Variants in BPNT2 observed in about 807,000 individuals in gnomAD.
BPNT2 encodes the protein Golgi-resident adenosine 3',5'-bisphosphate 3'-phosphatase.
BPNT2 carries 11 observed loss-of-function variants against 29.3 expected under a neutral mutation model. That is an observed-to-expected ratio of 0.38 (90% CI 0.24 to 0.62). BPNT2 has a LOEUF of 0.62. Among genes scored for constraint, BPNT2 ranks in the 20% least tolerant of loss-of-function variants. The pLI, the probability that BPNT2 is intolerant of heterozygous loss-of-function variation, is 0.62. For missense variants in BPNT2, 459 were observed against 473.4 expected (o/e 0.97, Z 0.28); for synonymous variants, 195 against 187.7 (o/e 1.04, Z -0.32).
At position 56,993,607 on chromosome 8, in the gene BPNT2, C is replaced by A; in HGVS notation, c.-22G>T. 1 of 1,399,300 alleles carries A rather than the reference C, an allele frequency of 7.1e-7. No individual in the cohort carries two copies. Among genetic ancestry groups the A allele is most frequent in the Non-Finnish European group, 9.3e-7 (1 of 1,070,914 alleles). 86.7% of individuals were successfully genotyped at this position (1,399,300 alleles called of 1,614,324 possible). ...CCATGGCGTGGGAAGCCGGGCGCTC[C>A]GGGCTGCGGCTCTCACAGGCCTCCA... is the stretch of plus-strand genomic sequence containing the variant. On this transcript the variant is annotated 5_prime_UTR_variant, in exon 1 of 5. Coordinates refer to ENST00000262644, the MANE Select transcript of BPNT2 (RefSeq NM_017813.5).
At chr8:56,964,358 G>T (rs540177120) in intron 4 of BPNT2, 72 of 262,844 alleles carry the variant, frequency 2.7e-4, no homozygotes, top group African/African-American at 1.4e-3. Flanking sequence ...GAGTGCAACA[G>T]CGCGATCTTG....
At chr8:56,977,774 A>C (rs184784850) in intron 3 of BPNT2, among the ~76,000 whole-genome samples, 2 of 143,416 alleles carry the variant, frequency 1.4e-5, no homozygotes, top group East Asian at 5.1e-4. Flanking sequence ...CTTATAAGCC[A>C]ATGAACACCA....
intron 2 of BPNT2, among the ~76,000 whole-genome samples, chr8:56,978,963 G>A (rs1228379097): frequency 6.6e-6 from 1 of 152,132 alleles, no homozygotes; most frequent in African/African-American, 2.4e-5. Flanking sequence ...CTTGGGTGTT[G>A]AAACAAATCT....
At chr8:56,972,617 G>C (rs1806058248) in intron 3 of BPNT2, among the ~76,000 whole-genome samples, 1 of 151,970 alleles carries the variant, frequency 6.6e-6, no homozygotes, top group Non-Finnish European at 1.5e-5. Flanking sequence ...GAAGTCATAT[G>C]ACAACTTTAA....
chr8:56,961,374 A>T lies in BPNT2; in HGVS notation c.*2419T>A, dbSNP rs981680781. 1 of 152,210 alleles carries T rather than the reference A, an allele frequency of 6.6e-6. No homozygotes were observed. The allele number at this position is 152,210 out of a possible 1,614,324, so 9.4% of individuals were successfully genotyped here. ...TATAAATACTGTTCCTAATTCTGCA[A>T]CGTATATTGGCTTTTAAAAACAAAC... On this transcript the variant is annotated 3_prime_UTR_variant, in exon 5 of 5. Coordinates refer to ENST00000262644, the MANE Select transcript of BPNT2 (RefSeq NM_017813.5).
At chr8:56,967,452 T>C (rs1220829821) in intron 3 of BPNT2, among the ~76,000 whole-genome samples, 2 of 152,112 alleles carry the variant, frequency 1.3e-5, no homozygotes, top group Non-Finnish European at 2.9e-5. Context: ...AACAGCAGGA[T>C]AAGCGCTGGA....
At chr8:56,983,353 T>C (rs1488814847) in intron 1 of BPNT2, among the ~76,000 whole-genome samples, 1 of 152,130 alleles carries the variant, frequency 6.6e-6, no homozygotes, top group Non-Finnish European at 1.5e-5. Flanking sequence ...TAGAAGTGCA[T>C]TCTAGCCCAA....
chr8:56,973,270 G>A (rs1806067600), intron 3 of BPNT2, among the ~76,000 whole-genome samples: 1 of 151,814 alleles, frequency 6.6e-6, no homozygotes. Context: ...CAAACACTAC[G>A]TCTCTAATCC....
chr8:56,960,847 G>A lies in BPNT2; in HGVS notation c.*2946C>T, dbSNP rs1045194205. 6.6e-6 allele frequency: 1 copy of A among 152,172 alleles called. No individual in the cohort carries two copies. The highest frequency in any genetic ancestry group is 1.5e-5 in the Non-Finnish European group (1 of 68,028). 9.4% of individuals were successfully genotyped at this position (152,172 alleles called of 1,614,324 possible). A position where few individuals can be genotyped will look rare whatever the true frequency, so the allele number is the denominator to read the frequency against. Reference sequence around the variant, plus strand: ...TTCCTTTACTTTGTGAGGAGTCTTTGTAATCTAATAGTGAACTAGGCCTCC... The same window carrying A: ...TTCCTTTACTTTGTGAGGAGTCTTTATAATCTAATAGTGAACTAGGCCTCC... On this transcript the variant is annotated 3_prime_UTR_variant, in exon 5 of 5. Transcript: ENST00000262644.
In BPNT2 at chr8:56,958,797, G is replaced by A. The variant is rs1324695447; in HGVS notation, c.*4996C>T. 1 of 152,170 alleles carries A rather than the reference G, an allele frequency of 6.6e-6. No homozygotes were observed. The highest frequency in any genetic ancestry group is 1.5e-5 in the Non-Finnish European group (1 of 68,032). 9.4% of individuals were successfully genotyped at this position (152,170 alleles called of 1,614,324 possible). On this transcript the variant is annotated 3_prime_UTR_variant, in exon 5 of 5. Coordinates refer to ENST00000262644, the MANE Select transcript of BPNT2 (RefSeq NM_017813.5). ...AGAGCACTGTCTCTTCTGTGGGACT[G>A]AAACAGCTAGCTTTGGCTACTGCCG...
In BPNT2 at chr8:56,993,631, C is replaced by T. The variant is rs1806457894; in HGVS notation, c.-46G>A. On this transcript the variant is annotated 5_prime_UTR_variant, in exon 1 of 5. Transcript: ENST00000262644. ...CCGGGCTGCGGCTCTCACAGGCCTC[C>T]AGCGCCCGCCGCCGCCGCCGCCGCA... 1 of 1,258,980 alleles carries T rather than the reference C, an allele frequency of 7.9e-7. No homozygotes were observed. Among genetic ancestry groups the T allele is most frequent in the Non-Finnish European group, 1.0e-6 (1 of 1,002,972 alleles). The allele number at this position is 1,258,980 out of a possible 1,614,324, so 78.0% of individuals were successfully genotyped here. A position where few individuals can be genotyped will look rare whatever the true frequency, so the allele number is the denominator to read the frequency against.
chr8:56,993,579 G>T lies in BPNT2; in HGVS notation c.7C>A (p.Pro3Thr). The T allele has an allele frequency of 7.0e-7, 1 of 1,438,490 alleles. No homozygotes were observed. The highest frequency in any genetic ancestry group is 9.2e-7 in the Non-Finnish European group (1 of 1,091,794). The allele number at this position is 1,438,490 out of a possible 1,614,324, so 89.1% of individuals were successfully genotyped here. A position where few individuals can be genotyped will look rare whatever the true frequency, so the allele number is the denominator to read the frequency against. The change falls in exon 1 of 5, where the codon CCC becomes ACC. Residue 3 changes from proline (P) to threonine (T), a missense_variant. By Grantham distance (38) the Pro-to-Thr change is conservative. Transcript: ENST00000262644. MA[P>T]MGIRLSPLGV... ...AGTGGGGAAAGGCGGATGCCCATGG[G>T]GGCCATGGCGTGGGAAGCCGGGCGC...
rs1358365205 is a variant in BPNT2 at position 56,959,050 on chromosome 8, T to C, written c.*4743A>G. On this transcript the variant is annotated 3_prime_UTR_variant, in exon 5 of 5. Coordinates refer to ENST00000262644, the MANE Select transcript of BPNT2 (RefSeq NM_017813.5). ...ATTTACTGTGTGTATAACATACACCTCAAAATGAATTTTAAGGGAACATAT... is the reference window on the plus strand; with the variant it reads ...ATTTACTGTGTGTATAACATACACCCCAAAATGAATTTTAAGGGAACATAT... 6.6e-6 allele frequency: 1 copy of C among 152,216 alleles called. No individual in the cohort carries two copies. Among genetic ancestry groups the C allele is most frequent in the Non-Finnish European group, 1.5e-5 (1 of 68,032 alleles). The allele number at this position is 152,216 out of a possible 1,614,324, so 9.4% of individuals were successfully genotyped here. A position where few individuals can be genotyped will look rare whatever the true frequency, so the allele number is the denominator to read the frequency against.
At chr8:56,988,288 TCA>T (rs978831531) in intron 1 of BPNT2, among the ~76,000 whole-genome samples, 1 of 152,210 alleles carries the variant, frequency 6.6e-6, no homozygotes, top group African/African-American at 2.4e-5. Context: ...TTGTCTTTAC[TCA>T]CAGTCTCCAT....
rs545990133 is a variant in BPNT2, at chr8:56,963,711, T to C, written c.*82A>G. 54 of 1,505,744 alleles carry C rather than the reference T, an allele frequency of 3.6e-5. No homozygotes were observed. In the South Asian group the frequency reaches 5.5e-4, roughly 15 times the overall value. The allele number at this position is 1,505,744 out of a possible 1,614,324, so 93.3% of individuals were successfully genotyped here. A position where few individuals can be genotyped will look rare whatever the true frequency, so the allele number is the denominator to read the frequency against. ...TCGGGATGGCCTTAACCATGCATAG[T>C]CTCCACCAATCCTTTGAAGCTTCCA... On this transcript the variant is annotated 3_prime_UTR_variant, in exon 5 of 5. Transcript: ENST00000262644.
rs1462571834 is a variant in BPNT2 at position 56,966,288 on chromosome 8, T to TG, written c.710dup (p.Arg238LysfsTer35). 1 of 1,613,858 alleles carries TG rather than the reference T, an allele frequency of 6.2e-7. No homozygotes were observed. The highest frequency in any genetic ancestry group is 1.3e-5 in the African/African-American group (1 of 74,926). On this transcript the variant is annotated frameshift_variant, in exon 4 of 5. Coordinates refer to ENST00000262644, the MANE Select transcript of BPNT2 (RefSeq NM_017813.5). LOFTEE classifies it high-confidence loss of function. ...AATGGGAACGAGACACAACGATCCT[T>TG]GGGGTCTTCTCATTGTAGGAAGAGC...
At chr8:56,986,746 G>A (rs1390330864) in intron 1 of BPNT2, among the ~76,000 whole-genome samples, 1 of 152,124 alleles carries the variant, frequency 6.6e-6, no homozygotes, top group African/African-American at 2.4e-5. Context: ...TCATAATAAA[G>A]TGTTAAATAT....
At chr8:56,967,414 T>C (rs1805969682) in intron 3 of BPNT2, among the ~76,000 whole-genome samples, 1 of 151,984 alleles carries the variant, frequency 6.6e-6, no homozygotes, top group African/African-American at 2.4e-5. Context: ...CACAAACGTA[T>C]GAGAAAGTAG....
rs563863699 is a variant in BPNT2 at position 56,968,189 on chromosome 8, G to A, written c.647-1837C>T. ...AGAAAAGATGGGCAAACAATAACAA[G>A]ATGTAAAGTGGGAGCTCATATAACA... On this transcript the variant is annotated intron_variant, in intron 3 of 4. Transcript: ENST00000262644. 2.0e-5 allele frequency among the ~76,000 whole-genome samples: 3 copies of A among 151,996 alleles called. No individual in the cohort carries two copies. The East Asian group carries it at 5.8e-4, about 29-fold the overall frequency.
Sources: gnomAD v4.1 joint callset for allele counts (sites outside exome capture counted in the v4.1 genomes callset) on GRCh38, gnomAD v4.1.1 for gene constraint, MANE v1.5 for transcripts, NCBI Gene and HGNC (gene_info 2026-07-23, HGNC 2026-07-21) for gene names.